LRMDA: variants seen among roughly 807,000 people sequenced by gnomAD.
LRMDA encodes the protein leucine rich melanocyte differentiation associated.
In LRMDA, 18 loss-of-function variants were observed where a neutral mutation model predicts 29.8. The observed-to-expected ratio is 0.60, with a 90% confidence interval of 0.42 to 0.90. LRMDA has a LOEUF of 0.90. LRMDA is among the 40% of genes least tolerant of loss of function. The probability of loss-of-function intolerance (pLI) is 0.00; values close to 1 mark genes in which losing one functional copy is unlikely to be tolerated. For missense variants in LRMDA, 273 were observed against 273.9 expected (o/e 1.00, Z 0.02); for synonymous variants, 125 against 109.4 (o/e 1.14, Z -0.89).
chr10:76,182,655 T>A (rs1851071246), intron 5 of LRMDA, among the ~76,000 whole-genome samples: 1 of 152,140 alleles, frequency 6.6e-6, no homozygotes, highest in Non-Finnish European at 1.5e-5. Context: ...GTAGACAGGG[T>A]ACATGGAAAA....
chr10:76,061,014 T>A (rs1848693749), intron 5 of LRMDA, among the ~76,000 whole-genome samples: 1 of 152,194 alleles, frequency 6.6e-6, no homozygotes, highest in South Asian at 2.1e-4. Context: ...AGCAATCCTA[T>A]TACTGGGTAT....
chr10:75,789,917 G>A (rs543323535), intron 2 of LRMDA, among the ~76,000 whole-genome samples: 2 of 152,226 alleles, frequency 1.3e-5, no homozygotes, highest in East Asian at 1.9e-4. Context: ...CATAGGGATG[G>A]ACAATAATTG....
At chr10:75,646,864 T>C (rs1441360281) in intron 2 of LRMDA, among the ~76,000 whole-genome samples, 1 of 152,214 alleles carries the variant, frequency 6.6e-6, no homozygotes, top group Non-Finnish European at 1.5e-5. Context: ...AAAACAATCA[T>C]GCAAGTTGTC....
chr10:75,988,472 T>A (rs1175787312), intron 2 of LRMDA, among the ~76,000 whole-genome samples: 2 of 151,876 alleles, frequency 1.3e-5, no homozygotes, highest in Non-Finnish European at 2.9e-5. Context: ...CATGCACACA[T>A]GCCTCTCTAG....
chr10:75,938,156 G>T (rs1311550776), intron 2 of LRMDA, among the ~76,000 whole-genome samples: 2 of 152,132 alleles, frequency 1.3e-5, no homozygotes, highest in Admixed American at 1.3e-4. Flanking sequence ...GAAATTTAAG[G>T]CAAAGGTAGA....
chr10:76,226,440 G>A (rs534142280), intron 5 of LRMDA, among the ~76,000 whole-genome samples: 6 of 152,066 alleles, frequency 3.9e-5, no homozygotes, highest in Admixed American at 1.3e-4. Context: ...AAAATTAGCC[G>A]GGCATGGTGG....
At chr10:76,403,346 G>C (rs1170569501) in intron 6 of LRMDA, 1 of 151,886 alleles carries the variant, frequency 6.6e-6, no homozygotes, top group Non-Finnish European at 1.5e-5. Flanking sequence ...GATCTTGGAA[G>C]TTAGAGGTGG....
intron 6 of LRMDA, among the ~76,000 whole-genome samples, chr10:76,429,023 T>C (rs867897423): frequency 1.3e-5 from 2 of 149,846 alleles, no homozygotes; most frequent in African/African-American, 4.9e-5. Context: ...CTGCCAATTA[T>C]ACACACACAC....
intron 6 of LRMDA, 32 bp downstream of exon 6, chr10:76,324,517 G>T: frequency 1.3e-6 from 2 of 1,585,602 alleles, no homozygotes; most frequent in Non-Finnish European, 1.7e-6. Flanking sequence ...GCTCTCAGTG[G>T]GTGCAGGGAG....
At chr10:75,953,764 G>C (rs1009191798) in intron 2 of LRMDA, among the ~76,000 whole-genome samples, 12 of 152,122 alleles carry the variant, frequency 7.9e-5, no homozygotes, top group African/African-American at 2.9e-4. Flanking sequence ...TCACAGGAGG[G>C]CTGGTGTGGT....
intron 5 of LRMDA, among the ~76,000 whole-genome samples, chr10:76,320,383 G>A (rs901104647): frequency 6.6e-6 from 1 of 152,138 alleles, no homozygotes; most frequent in African/African-American, 2.4e-5. Context: ...GCCTTGCGGG[G>A]GAAGGGGATA....
chr10:76,481,516 G>T (rs1158213778), intron 6 of LRMDA, among the ~76,000 whole-genome samples: 1 of 151,846 alleles, frequency 6.6e-6, no homozygotes, highest in African/African-American at 2.4e-5. Flanking sequence ...TTCTAGTCTT[G>T]CAGGGTCTCA....
At chr10:76,373,457 G>C (rs777650648) in intron 6 of LRMDA, among the ~76,000 whole-genome samples, 1 of 152,094 alleles carries the variant, frequency 6.6e-6, no homozygotes, top group African/African-American at 2.4e-5. Context: ...TATAATAGGA[G>C]TTTGTAGTAT....
chr10:76,541,345 A>T (rs145662088), intron 6 of LRMDA, among the ~76,000 whole-genome samples: 2,238 of 152,214 alleles, frequency 0.015, 62 homozygotes, highest in African/African-American at 0.051. Flanking sequence ...TACTAAAAAT[A>T]CCAAAATTAG....
chr10:76,227,838 A>T (rs1052858014), intron 5 of LRMDA, among the ~76,000 whole-genome samples: 26 of 152,236 alleles, frequency 1.7e-4, no homozygotes, highest in African/African-American at 6.3e-4. Flanking sequence ...CATAAGAGGG[A>T]TATAGAGGTA....
At chr10:76,372,873 T>C (rs1021699532) in intron 6 of LRMDA, among the ~76,000 whole-genome samples, 1 of 152,116 alleles carries the variant, frequency 6.6e-6, no homozygotes, top group Non-Finnish European at 1.5e-5. Context: ...ATTTTAACAT[T>C]GTGTTATATT....
At chr10:76,230,801 A>T (rs2132272121) in intron 5 of LRMDA, among the ~76,000 whole-genome samples, 1 of 152,370 alleles carries the variant, frequency 6.6e-6, no homozygotes, top group Non-Finnish European at 1.5e-5. Flanking sequence ...GAATAGGTTC[A>T]TAAAAGGAAA....
At chr10:75,475,797 A>C (rs951021399) in intron 2 of LRMDA, among the ~76,000 whole-genome samples, 2 of 152,142 alleles carry the variant, frequency 1.3e-5, no homozygotes, top group African/African-American at 4.8e-5. Flanking sequence ...GGTGTCACTG[A>C]AGTTTGTGCT....
intron 5 of LRMDA, among the ~76,000 whole-genome samples, chr10:76,128,935 C>T (rs1849936184): frequency 6.6e-6 from 1 of 152,208 alleles, no homozygotes; most frequent in East Asian, 1.9e-4. Flanking sequence ...GAGGGATACT[C>T]AGTGGAGTCC....
Sources: gnomAD v4.1 joint callset for allele counts (sites outside exome capture counted in the v4.1 genomes callset) on GRCh38, gnomAD v4.1.1 for gene constraint, MANE v1.5 for transcripts, NCBI Gene and HGNC (gene_info 2026-07-23, HGNC 2026-07-21) for gene names.